SORBS2: variants seen among roughly 807,000 people sequenced by gnomAD.
SORBS2 encodes the protein sorbin and SH3 domain-containing protein 2.
SORBS2 carries 46 observed loss-of-function variants against 97.7 expected under a neutral mutation model. That is an observed-to-expected ratio of 0.47 (90% CI 0.37 to 0.60). SORBS2 has a LOEUF of 0.60. SORBS2 is among the 20% of genes least tolerant of loss of function. The pLI is 0.00. For synonymous variants in SORBS2, 476 were observed against 473.4 expected (o/e 1.01, Z -0.07); for missense variants, 1,316 against 1,282.3 (o/e 1.03, Z -0.40).
At chr4:185,731,740 C>T (rs2098633969) in intron 2 of SORBS2, among the ~76,000 whole-genome samples, 1 of 114,534 alleles carries the variant, frequency 8.7e-6, no homozygotes, top group African/African-American at 3.3e-5. Context: ...GTCTCTCTCC[C>T]TCCCTCCCTA....
At chr4:185,936,154 T>C (rs796757128) in intron 1 of SORBS2, among the ~76,000 whole-genome samples, 5 of 152,346 alleles carry the variant, frequency 3.3e-5, no homozygotes, top group African/African-American at 1.2e-4. Context: ...CCATTGCACC[T>C]GGCCAACGGT....
chr4:185,743,936 C>T (rs1407657036), intron 2 of SORBS2, among the ~76,000 whole-genome samples: 1 of 146,944 alleles, frequency 6.8e-6, no homozygotes, highest in Non-Finnish European at 1.5e-5. Context: ...CCTCCTCCTC[C>T]TCTTTCTCCT....
chr4:185,655,552 T>A (rs965090785), intron 1 of SORBS2, among the ~76,000 whole-genome samples: 2 of 152,204 alleles, frequency 1.3e-5, no homozygotes, highest in Non-Finnish European at 2.9e-5. Flanking sequence ...AGACAACAAT[T>A]GTGCATAAAA....
At position 185,824,273 on chromosome 4, in the gene SORBS2, G is replaced by A. The variant is rs1396590579; in HGVS notation, c.-337-48907C>T. Among the ~76,000 whole-genome samples, 2 of 152,084 alleles carry A rather than the reference G, an allele frequency of 1.3e-5. 1 individual carries two copies. Among genetic ancestry groups the A allele is most frequent in the Admixed American group, 1.3e-4 (2 of 15,284 alleles). ...TTGGTGTTTCCTGACCTGGCTTGTGGCAGTGTAACCCCAATCTCTGCCTCC... is the reference window on the plus strand; with the variant it reads ...TTGGTGTTTCCTGACCTGGCTTGTGACAGTGTAACCCCAATCTCTGCCTCC... On this transcript the variant is annotated intron_variant, in intron 1 of 20. Transcript: ENST00000284776.
intron 1 of SORBS2, among the ~76,000 whole-genome samples, chr4:185,926,202 T>A (rs955946729): frequency 6.6e-6 from 1 of 152,220 alleles, no homozygotes; most frequent in African/African-American, 2.4e-5. Flanking sequence ...TGGTCTAATT[T>A]GCATTTTGAA....
intron 1 of SORBS2, among the ~76,000 whole-genome samples, chr4:185,818,564 A>G (rs1350102470): frequency 6.6e-6 from 1 of 152,162 alleles, no homozygotes; most frequent in Non-Finnish European, 1.5e-5. Context: ...ATTCTTCTGG[A>G]CATTTCCTGC....
At position 185,857,131 on chromosome 4, in the gene SORBS2, G is replaced by C. The variant is rs79333666; in HGVS notation, c.-337-81765C>G. Reference sequence around the variant, plus strand: ...CTCCCATGATGATGGACTGGTGGCTGTTGCAGGAAGTCAGGGACCCTGAAT... The same window carrying C: ...CTCCCATGATGATGGACTGGTGGCTCTTGCAGGAAGTCAGGGACCCTGAAT... On this transcript the variant is annotated intron_variant, in intron 1 of 20. Coordinates refer to the SORBS2 transcript ENST00000284776. Among the ~76,000 whole-genome samples the C allele has an allele frequency of 3.8e-3, 580 of 152,310 alleles. 3 individuals carry two copies. The highest frequency in any genetic ancestry group is 0.013 in the African/African-American group (541 of 41,568).
intron 2 of SORBS2, among the ~76,000 whole-genome samples, chr4:185,691,095 T>A (rs1174300056): frequency 6.6e-6 from 1 of 151,982 alleles, no homozygotes; most frequent in Non-Finnish European, 1.5e-5. Flanking sequence ...AGAGACGGGG[T>A]TTCACTATGT....
At chr4:185,835,849 G>A (rs1221525064) in intron 1 of SORBS2, among the ~76,000 whole-genome samples, 5 of 151,788 alleles carry the variant, frequency 3.3e-5, no homozygotes, top group East Asian at 1.9e-4. Context: ...GGCTCAACCC[G>A]GCCTGTTTCC....
At chr4:185,696,030 A>G (rs2098170328) in intron 2 of SORBS2, among the ~76,000 whole-genome samples, 1 of 152,194 alleles carries the variant, frequency 6.6e-6, no homozygotes, top group South Asian at 2.1e-4. Flanking sequence ...TCAGGAGCCG[A>G]ATTACCCGCG....
intron 1 of SORBS2, among the ~76,000 whole-genome samples, chr4:185,786,132 C>T (rs58022977): frequency 0.044 from 6,706 of 152,124 alleles, 477 homozygotes; most frequent in East Asian, 0.19. Context: ...AGCTCACATT[C>T]AAAGTTTTAT....
At chr4:185,809,874 C>T (rs1294153341) in intron 1 of SORBS2, among the ~76,000 whole-genome samples, 2 of 152,120 alleles carry the variant, frequency 1.3e-5, no homozygotes, top group Non-Finnish European at 2.9e-5. Context: ...TCTAAAAGCT[C>T]CCCCAAGAAA....
chr4:185,879,484 G>C (rs1024431784), intron 1 of SORBS2, among the ~76,000 whole-genome samples: 4 of 152,126 alleles, frequency 2.6e-5, no homozygotes, highest in African/African-American at 9.7e-5. Flanking sequence ...AAACATACGT[G>C]TGCATGTGTC....
chr4:185,701,526 C>G (rs1282231170), intron 2 of SORBS2, among the ~76,000 whole-genome samples: 1 of 152,202 alleles, frequency 6.6e-6, no homozygotes, highest in Non-Finnish European at 1.5e-5. Context: ...GTCATCTGTG[C>G]TGCAGCATTT....
At chr4:185,638,795 G>C (rs927993847) in intron 4 of SORBS2, 82 bp downstream of exon 14, 13 of 1,303,308 alleles carry the variant, frequency 1.0e-5, no homozygotes, top group Non-Finnish European at 1.3e-5. Context: ...GGGGGAGTGG[G>C]AGTCGCCAGG....
chr4:185,618,973 G>A (rs1200054552), intron 8 of SORBS2, among the ~76,000 whole-genome samples: 4 of 152,162 alleles, frequency 2.6e-5, no homozygotes, highest in Non-Finnish European at 5.9e-5. Flanking sequence ...GAGGGTCAAT[G>A]GCTCTATGTT....
intron 4 of SORBS2, among the ~76,000 whole-genome samples, chr4:185,642,349 A>G (rs999811645): frequency 6.6e-6 from 1 of 151,738 alleles, no homozygotes; most frequent in Non-Finnish European, 1.5e-5. Context: ...ACATTTTCAT[A>G]TATTTTTTTT....
chr4:185,890,508 C>T (rs2099241925), intron 1 of SORBS2, among the ~76,000 whole-genome samples: 1 of 152,148 alleles, frequency 6.6e-6, no homozygotes, highest in Non-Finnish European at 1.5e-5. Context: ...TCTCTACAGC[C>T]TAATGAGAGA....
At chr4:185,934,442 A>G (rs2099267923) in intron 1 of SORBS2, among the ~76,000 whole-genome samples, 1 of 152,154 alleles carries the variant, frequency 6.6e-6, no homozygotes, top group Non-Finnish European at 1.5e-5. Context: ...CCACAAAGCA[A>G]TATGAGATTT....
Sources: allele counts gnomAD v4.1 joint callset (sites outside exome capture counted in the v4.1 genomes callset), GRCh38; gene constraint gnomAD v4.1.1; transcripts MANE v1.5; gene names NCBI Gene and HGNC (gene_info 2026-07-23, HGNC 2026-07-21).